LRP1B: variants seen among roughly 807,000 people sequenced by gnomAD.
LRP1B encodes the protein LDL receptor related protein 1B.
In LRP1B, 217 loss-of-function variants were observed where a neutral mutation model predicts 556.6. The ratio of observed to expected loss-of-function variants is 0.39; its 90% CI spans 0.35 to 0.44. LRP1B has a LOEUF of 0.44. LRP1B is among the 20% of genes least tolerant of loss of function. The probability of loss-of-function intolerance (pLI) is 1.00; values close to 1 mark genes in which losing one functional copy is unlikely to be tolerated. For missense variants in LRP1B, 5,053 were observed against 5,620.8 expected (o/e 0.90, Z 3.23); for synonymous variants, 2,047 against 1,865.8 (o/e 1.10, Z -2.50).
intron 72 of LRP1B, 131 bp from the exon 73 acceptor site, chr2:140,359,077 A>G (rs908102964): frequency 1.2e-6 from 1 of 835,296 alleles, no homozygotes; most frequent in African/African-American, 1.8e-5. Flanking sequence ...TGTTGTGACA[A>G]TTGCCTACTA....
intron 6 of LRP1B, among the ~76,000 whole-genome samples, chr2:141,223,178 T>G (rs1271600142): frequency 2.0e-5 from 3 of 152,086 alleles, no homozygotes; most frequent in African/African-American, 7.2e-5. Context: ...TGATAAGCAA[T>G]TCCAGCAAAG....
intron 4 of LRP1B, among the ~76,000 whole-genome samples, chr2:141,249,725 T>C (rs1684193948): frequency 6.6e-6 from 1 of 152,144 alleles, no homozygotes; most frequent in African/African-American, 2.4e-5. Context: ...GATATCAGAA[T>C]GTTCAAAAGG....
intron 1 of LRP1B, among the ~76,000 whole-genome samples, chr2:142,038,549 A>C (rs573242379): frequency 4.0e-5 from 6 of 151,740 alleles, no homozygotes; most frequent in Admixed American, 4.0e-4. Context: ...GTCACTTAAC[A>C]GAAACTGACA....
intron 3 of LRP1B, among the ~76,000 whole-genome samples, chr2:141,467,102 GTATATATATATATATATATATCTATATA>G (rs869030810): frequency 0.019 from 1,616 of 84,382 alleles, 76 homozygotes; most frequent in African/African-American, 0.09. Flanking sequence ...ATATATATGT[GTATATATATATATATATATATCTATATA>G]TATATATATA....
intron 2 of LRP1B, among the ~76,000 whole-genome samples, chr2:141,598,753 T>C (rs2105305279): frequency 6.6e-6 from 1 of 152,220 alleles, no homozygotes; most frequent in South Asian, 2.1e-4. Flanking sequence ...TAAATATGGT[T>C]GATTGATGGA....
intron 1 of LRP1B, among the ~76,000 whole-genome samples, chr2:142,111,646 C>A (rs561115413): frequency 2.0e-5 from 3 of 152,138 alleles, no homozygotes; most frequent in Non-Finnish European, 2.9e-5. Flanking sequence ...ATTAAACAAC[C>A]AAACAAGCAA....
At position 141,542,527 on chromosome 2, in the gene LRP1B, G is replaced by T. The variant is rs530925063; in HGVS notation, c.206-61994C>A. Among the ~76,000 whole-genome samples the T allele has an allele frequency of 1.2e-4, 18 of 151,952 alleles. No homozygotes were observed. In the East Asian group the frequency reaches 3.5e-3, roughly 29 times the overall value. ...ATATTATATTTATCTTTATAGTAAT[G>T]GATATCTACCATACTTCTGATATAG... On this transcript the variant is annotated intron_variant, in intron 2 of 90. Coordinates refer to ENST00000389484, the MANE Select transcript of LRP1B (RefSeq NM_018557.3).
intron 2 of LRP1B, among the ~76,000 whole-genome samples, chr2:141,687,625 A>C (rs1022911745): frequency 6.6e-6 from 1 of 151,992 alleles, no homozygotes; most frequent in Non-Finnish European, 1.5e-5. Context: ...TTAATGGGTT[A>C]ATAGAAACTT....
At chr2:141,316,477 T>C (rs540699747) in intron 3 of LRP1B, among the ~76,000 whole-genome samples, 1 of 152,192 alleles carries the variant, frequency 6.6e-6, no homozygotes, top group Admixed American at 6.5e-5. Flanking sequence ...ATTGTGTAAA[T>C]AAAAGCATTT....
At chr2:140,516,105 CA>C (rs1328930023) in intron 50 of LRP1B, among the ~76,000 whole-genome samples, 1 of 151,746 alleles carries the variant, frequency 6.6e-6, no homozygotes, top group African/African-American at 2.4e-5. Context: ...AGATGAAAGG[CA>C]AAAGTTTAAA....
chr2:141,982,319 G>C (rs1702066123), intron 1 of LRP1B, among the ~76,000 whole-genome samples: 1 of 152,134 alleles, frequency 6.6e-6, no homozygotes, highest in African/African-American at 2.4e-5. Flanking sequence ...AGTTGCCAAA[G>C]ATTAGTTTAA....
intron 1 of LRP1B, among the ~76,000 whole-genome samples, chr2:141,813,874 G>A (rs1696438539): frequency 6.6e-6 from 1 of 152,098 alleles, no homozygotes; most frequent in Non-Finnish European, 1.5e-5. Flanking sequence ...GCAGCAAGAG[G>A]GGGTCTAAAA....
intron 16 of LRP1B, among the ~76,000 whole-genome samples, chr2:140,993,070 T>C (rs977290033): frequency 6.6e-6 from 1 of 152,046 alleles, no homozygotes; most frequent in Non-Finnish European, 1.5e-5. Flanking sequence ...CCAGACTAAC[T>C]TTGCCCATTC....
intron 3 of LRP1B, among the ~76,000 whole-genome samples, chr2:141,283,978 C>T (rs1222399927): frequency 6.6e-6 from 1 of 152,056 alleles, no homozygotes; most frequent in Non-Finnish European, 1.5e-5. Context: ...TAGATGAGGT[C>T]ACACGCTGAG....
chr2:141,897,204 G>T (rs974968472), intron 1 of LRP1B, among the ~76,000 whole-genome samples: 2 of 151,922 alleles, frequency 1.3e-5, no homozygotes, highest in African/African-American at 4.8e-5. Context: ...ACCAAAAAAA[G>T]ACACACTGTA....
chr2:140,937,614 T>A (rs1268480946), intron 20 of LRP1B, among the ~76,000 whole-genome samples: 1 of 152,078 alleles, frequency 6.6e-6, no homozygotes, highest in Non-Finnish European at 1.5e-5. Flanking sequence ...GTGCTATGAG[T>A]ATTTTAGAAC....
chr2:140,770,660 A>G (rs1186856359), intron 34 of LRP1B, among the ~76,000 whole-genome samples: 1 of 152,116 alleles, frequency 6.6e-6, no homozygotes, highest in African/African-American at 2.4e-5. Context: ...AGTTGCTAAA[A>G]TGACTAAAAA....
intron 2 of LRP1B, among the ~76,000 whole-genome samples, chr2:141,544,378 T>TCTTCTTCTTCTTCTTCTTCTTCTC (rs1559131523): frequency 9.0e-6 from 1 of 111,136 alleles, no homozygotes; most frequent in African/African-American, 3.1e-5. Context: ...TTCTTCTTCT[T>TCTTCTTCTTCTTCTTCTTCTTCTC]CTTCTCCTCC....
chr2:141,984,532 C>T (rs1384827441), intron 1 of LRP1B, among the ~76,000 whole-genome samples: 3 of 151,964 alleles, frequency 2.0e-5, no homozygotes, highest in African/African-American at 7.3e-5. Context: ...TTAAGGACCA[C>T]CCCAACACAA....
Sources: gnomAD v4.1 joint callset for allele counts (sites outside exome capture counted in the v4.1 genomes callset) on GRCh38, gnomAD v4.1.1 for gene constraint, MANE v1.5 for transcripts, NCBI Gene and HGNC (gene_info 2026-07-23, HGNC 2026-07-21) for gene names.